SPTB: variants seen among roughly 807,000 people sequenced by gnomAD.
SPTB encodes the protein spectrin beta, erythrocytic, also known as spectrin beta chain, erythrocytic.
Under a neutral mutation model 256.2 loss-of-function variants are expected in SPTB, and 45 were observed. The observed-to-expected ratio is 0.18, with a 90% CI of 0.14 to 0.23. SPTB has a LOEUF of 0.23. Among genes scored for constraint, SPTB ranks in the 10% least tolerant of loss-of-function variants. The pLI, the probability that SPTB is intolerant of heterozygous loss-of-function variation, is 1.00. For synonymous variants in SPTB, 1,231 were observed against 1,243.1 expected, an observed-to-expected ratio of 0.99 and a Z score of 0.21; for missense variants, 2,715 against 3,040.4, an observed-to-expected ratio of 0.89 and a Z score of 2.52.
At position 64,750,168 on chromosome 14, in the gene SPTB, G is replaced by A. The variant is rs769817020; in HGVS notation, c.6603-14C>T. ...TTGTTCCAGGACCTGCAAAGATGCA[G>A]ACAGGCAGGTCACCCACATCCTGAT... On this transcript the variant is annotated splice_polypyrimidine_tract_variant and intron_variant, in intron 33 of 35. Coordinates refer to ENST00000644917, the MANE Select transcript of SPTB (RefSeq NM_001355436.2). 1 of 1,608,842 alleles carries A rather than the reference G, an allele frequency of 6.2e-7. No homozygotes were observed. The highest frequency in any genetic ancestry group is 8.5e-7 in the Non-Finnish European group (1 of 1,175,682).
rs990480274 is a variant in SPTB, at chr14:64,759,092, T to G, written c.6346-5299A>C. On this transcript the variant is annotated intron_variant, in intron 32 of 35. Transcript: ENST00000644917. The surrounding 1 kb of genome is among the most constrained non-coding windows in gnomAD (Gnocchi z 4.8). ...TCCTATCTCAGATGAGAAAACTGGG[T>G]TCCGGAAAAGCTCAGTGACGGGCTG... 6.6e-6 allele frequency among the ~76,000 whole-genome samples: 1 copy of G among 151,936 alleles called. No homozygotes were observed. The highest frequency in any genetic ancestry group is 1.9e-4 in the East Asian group (1 of 5,190).
chr14:64,869,340 G>A (rs1203051550), intron 1 of SPTB, among the ~76,000 whole-genome samples: 2 of 152,318 alleles, frequency 1.3e-5, no homozygotes, highest in South Asian at 2.1e-4. Context: ...TATGAACTTA[G>A]TTACGTGTAA....
At position 64,791,847 on chromosome 14, in the gene SPTB, G is replaced by A. The variant is rs567001329; in HGVS notation, c.2676C>T (p.Ile892=). 3 of 1,614,170 alleles carry A rather than the reference G, an allele frequency of 1.9e-6. No individual in the cohort carries two copies. In the African/African-American group the frequency reaches 4.0e-5, roughly 22 times the overall value. The change falls in exon 15 of 36, where the codon ATC becomes ATT. Residue 892 remains isoleucine, a synonymous_variant. Coordinates refer to ENST00000644917, the MANE Select transcript of SPTB (RefSeq NM_001355436.2). ...TCAAGGTCTTCATCTCCTGGTCCAG[G>A]ATGTCGAACCTGATATGGGCAAAGG... The part of the protein sequence containing the change: ...DLEVVQHRFD[I]LDQEMKTLMT...
At chr14:64,773,519 G>T in intron 24 of SPTB, 95 bp from the exon 25 acceptor site, 1 of 1,289,014 alleles carries the variant, frequency 7.8e-7, no homozygotes, top group Non-Finnish European at 1.1e-6. Flanking sequence ...ACAGCCCCCT[G>T]GCAGGGATAG....
At position 64,766,271 on chromosome 14, in the gene SPTB, T is replaced by G. The variant is rs59914095; in HGVS notation, c.6345+455A>C. 6 of 526,890 alleles carry G rather than the reference T, an allele frequency of 1.1e-5. No homozygotes were observed. The Admixed American group carries it at 2.8e-4, about 24-fold the overall frequency. 32.6% of individuals were successfully genotyped at this position (526,890 alleles called of 1,614,324 possible). The stretch of plus-strand genomic sequence containing the variant: ...GTGCATGTGGGTGTGTATTTGTGTG[T>G]GCATGCATGTGTGTGTGGGCATGTG... On this transcript the variant is annotated intron_variant, in intron 32 of 35. Transcript: ENST00000644917.
intron 20 of SPTB, among the ~76,000 whole-genome samples, chr14:64,780,409 A>AATT (rs945171278): frequency 3.9e-5 from 6 of 152,132 alleles, no homozygotes; most frequent in Non-Finnish European, 5.9e-5. Context: ...GAACTAGAAA[A>AATT]ATTATTATTA....
At chr14:64,862,883 C>A (rs958758035) in intron 1 of SPTB, among the ~76,000 whole-genome samples, 3 of 124,560 alleles carry the variant, frequency 2.4e-5, no homozygotes, top group South Asian at 2.7e-4. Flanking sequence ...CAAAAAAAAA[C>A]CACACCCCAT....
At chr14:64,751,655 T>TA (rs1235172264) in intron 33 of SPTB, among the ~76,000 whole-genome samples, 1 of 152,176 alleles carries the variant, frequency 6.6e-6, no homozygotes, top group Admixed American at 6.5e-5. Flanking sequence ...ACAATATTTC[T>TA]ACATCCATCA....
At chr14:64,832,821 C>G (rs149304788) in intron 1 of SPTB, among the ~76,000 whole-genome samples, 1 of 152,180 alleles carries the variant, frequency 6.6e-6, no homozygotes. Context: ...CTATCTCCAC[C>G]GCTCCCCACA....
At chr14:64,876,652 C>G (rs970059283) in intron 1 of SPTB, among the ~76,000 whole-genome samples, 1 of 152,172 alleles carries the variant, frequency 6.6e-6, no homozygotes, top group Non-Finnish European at 1.5e-5. Flanking sequence ...AAAATGTATA[C>G]ATGTGTACAC....
intron 1 of SPTB, among the ~76,000 whole-genome samples, chr14:64,848,903 G>A (rs1391816489): frequency 6.6e-6 from 1 of 152,168 alleles, no homozygotes; most frequent in Non-Finnish European, 1.5e-5. Flanking sequence ...GAGCACCTAT[G>A]TGCATGTCCT....
At chr14:64,763,788 C>T (rs375970621) in intron 32 of SPTB, 27 of 519,020 alleles carry the variant, frequency 5.2e-5, no homozygotes, top group Admixed American at 3.9e-4. Flanking sequence ...TTTACCAGAA[C>T]GTGCTCTAAT....
At chr14:64,765,321 C>T (rs766047115) in intron 32 of SPTB, among the ~76,000 whole-genome samples, 1 of 152,060 alleles carries the variant, frequency 6.6e-6, no homozygotes, top group Non-Finnish European at 1.5e-5. Context: ...AGGGGGAAGC[C>T]GTGCAAGCCG....
chr14:64,762,505 C>A (rs2082109076), intron 32 of SPTB, among the ~76,000 whole-genome samples: 2 of 152,228 alleles, frequency 1.3e-5, no homozygotes, highest in Non-Finnish European at 2.9e-5. Flanking sequence ...GTGGTCTTGG[C>A]TACAAGTCCA....
rs1292923695 is a variant in SPTB at position 64,772,264 on chromosome 14, T to C, written c.5553+316A>G. 6.6e-6 allele frequency among the ~76,000 whole-genome samples: 1 copy of C among 152,218 alleles called. No homozygotes were observed. Among genetic ancestry groups the C allele is most frequent in the African/African-American group, 2.4e-5 (1 of 41,460 alleles). ...CTGCCATGAGGGTCCAGCGGCTACA[T>C]ACATTGCTCAGAAGAGCACCTGGTG... is the stretch of plus-strand genomic sequence containing the variant. On this transcript the variant is annotated intron_variant, in intron 26 of 35. Transcript: ENST00000644917. The surrounding 1 kb of genome is among the most constrained non-coding windows in gnomAD (Gnocchi z 5.4).
At chr14:64,797,985 G>A in intron 9 of SPTB, 139 bp from the exon 10 acceptor site, 1 of 753,714 alleles carries the variant, frequency 1.3e-6, no homozygotes, top group Non-Finnish European at 2.4e-6. Flanking sequence ...AAAAACTAAA[G>A]AGAATCTGTA....
At chr14:64,766,901 C>CA in intron 31 of SPTB, 100 bp from the exon 32 acceptor site, 3 of 1,400,830 alleles carry the variant, frequency 2.1e-6, no homozygotes, top group Non-Finnish European at 3.0e-6. Flanking sequence ...GGAGGAGCAC[C>CA]AAATAGCTCC....
At position 64,769,064 on chromosome 14, in the gene SPTB, A is replaced by G. The variant is rs1395246319; in HGVS notation, c.5992T>C (p.Trp1998Arg). The G allele has an allele frequency of 1.2e-6, 2 of 1,613,544 alleles. No individual in the cohort carries two copies. The highest frequency in any genetic ancestry group is 1.7e-5 in the Admixed American group (1 of 60,022). ...CGGAGCCGCTCCCAGCGGGCTTCCC[A>G]CTTCTCATTCATCTCTTTCCTCCTG... The part of the protein sequence containing the change: ...MSRRKEMNEK[W>R]EARWERLRML... The change falls in exon 29 of 36, where the codon TGG becomes CGG. Residue 1998 changes from tryptophan (W) to arginine (R), a missense_variant. Physicochemically the swap from Trp to Arg is moderately radical, Grantham distance 101. Transcript: ENST00000644917.
intron 1 of SPTB, among the ~76,000 whole-genome samples, chr14:64,832,820 C>T (rs2083468635): frequency 6.6e-6 from 1 of 152,204 alleles, no homozygotes; most frequent in East Asian, 1.9e-4. Flanking sequence ...TCTATCTCCA[C>T]CGCTCCCCAC....
Sources: allele counts gnomAD v4.1 joint callset (sites outside exome capture counted in the v4.1 genomes callset), GRCh38; gene constraint gnomAD v4.1.1; non-coding constraint Gnocchi (gnomAD v3.1); transcripts MANE v1.5; gene names NCBI Gene and HGNC (gene_info 2026-07-23, HGNC 2026-07-21).